Variants in DNAH2 observed in about 807,000 individuals in gnomAD.
DNAH2 encodes the protein axonemal beta dynein heavy chain 2.
A neutral mutation model predicts 523.5 loss-of-function variants in DNAH2; 323 were observed. The observed-to-expected ratio is 0.62, with a 90% CI of 0.56 to 0.68. The LOEUF is 0.68. DNAH2 is among the 30% of genes least tolerant of loss of function. The pLI is 0.00. For synonymous variants in DNAH2, 2,093 were observed against 2,177.4 expected, an observed-to-expected ratio of 0.96 and a Z score of 1.08; for missense variants, 4,907 against 5,701.5, an observed-to-expected ratio of 0.86 and a Z score of 4.49.
At chr17:7,726,814 G>A (rs1448277746) in intron 3 of DNAH2, among the ~76,000 whole-genome samples, 2 of 151,964 alleles carry the variant, frequency 1.3e-5, no homozygotes, top group East Asian at 3.9e-4. Context: ...CTTTACCTTT[G>A]AGATCGAGGG....
chr17:7,791,544 C>T (rs948619795), intron 44 of DNAH2, among the ~76,000 whole-genome samples: 2 of 152,160 alleles, frequency 1.3e-5, no homozygotes, highest in Non-Finnish European at 2.9e-5. Flanking sequence ...CACTGCTCTA[C>T]TGGTGAACAT....
rs778869358 is a variant in DNAH2 at position 7,775,285 on chromosome 17, G to A, written c.4764G>A (p.Ser1588=). ...SSKWEAVGMF[S]GDGEYIDFLH... is the part of the protein sequence containing the mutation. ...AATGGGAAGCTGTGGGGATGTTCTC[G>A]GGCGACGGCGAGTACATTGACTTCC... Residue 1588 remains serine (S), a synonymous_variant, in exon 30 of 86, where the codon TCG becomes TCA. Transcript: ENST00000572933. 1.4e-5 allele frequency: 22 copies of A among 1,613,472 alleles called. No homozygotes were observed. Among genetic ancestry groups the A allele is most frequent in the South Asian group, 4.4e-5 (4 of 90,900 alleles).
chr17:7,772,282 C>A (rs192949678), intron 28 of DNAH2, among the ~76,000 whole-genome samples: 1 of 152,174 alleles, frequency 6.6e-6, no homozygotes, highest in African/African-American at 2.4e-5. Context: ...TCCCAAGAGC[C>A]TTCAGTATAC....
chr17:7,821,220 T>A lies in DNAH2; in HGVS notation c.11016-23T>A, dbSNP rs762746625. ...GCCCCCATTCCATGCTGCCCCTCCC[T>A]CTTCCCTGTCCCTTTCTCCCAGGTA... On this transcript the variant is annotated intron_variant, in intron 72 of 85. Transcript: ENST00000572933. The surrounding 1 kb of genome is among the most constrained non-coding windows in gnomAD (Gnocchi z 5.0). The A allele has an allele frequency of 6.2e-7, 1 of 1,608,002 alleles. No individual in the cohort carries two copies. Among genetic ancestry groups the A allele is most frequent in the Non-Finnish European group, 8.5e-7 (1 of 1,175,848 alleles).
rs1319315824 is a variant in DNAH2 at position 7,759,771 on chromosome 17, C to G, written c.2638-20C>G. On this transcript the variant is annotated intron_variant, in intron 16 of 85. Transcript: ENST00000572933. ...CCAGTCCTAAGGCTTTTCTCTCCAT[C>G]TCCACTGGGTTCCTCACAGGTGGAA... 1 of 1,613,972 alleles carries G rather than the reference C, an allele frequency of 6.2e-7. No individual in the cohort carries two copies. The highest frequency in any genetic ancestry group is 8.5e-7 in the Non-Finnish European group (1 of 1,179,854).
chr17:7,789,445 G>C (rs552307644), intron 44 of DNAH2, among the ~76,000 whole-genome samples: 1 of 152,330 alleles, frequency 6.6e-6, no homozygotes, highest in South Asian at 2.1e-4. Flanking sequence ...CCTGAGGAGA[G>C]GGCTGGACCA....
intron 63 of DNAH2, among the ~76,000 whole-genome samples, chr17:7,808,369 GAA>G (rs1210962027): frequency 2.5e-4 from 26 of 103,246 alleles, no homozygotes; most frequent in African/African-American, 8.4e-4. Context: ...GACTGTCTCA[GAA>G]AAAAAAAAAA....
At chr17:7,762,753 T>C (rs2076041816) in intron 18 of DNAH2, among the ~76,000 whole-genome samples, 1 of 151,792 alleles carries the variant, frequency 6.6e-6, no homozygotes, top group Admixed American at 6.6e-5. Context: ...CCCCACAGAG[T>C]GAGATCTGCA....
chr17:7,768,405 T>G (rs1158627455), intron 24 of DNAH2, 138 bp downstream of exon 24: 2 of 822,930 alleles, frequency 2.4e-6, no homozygotes, highest in African/African-American at 1.7e-5. Context: ...CTTTTTCTCT[T>G]TCCTCTTTTT....
chr17:7,779,374 T>A lies in DNAH2; in HGVS notation c.5673T>A (p.Phe1891Leu), dbSNP rs1458203266. 1.2e-6 allele frequency: 2 copies of A among 1,613,976 alleles called. No homozygotes were observed. The highest frequency in any genetic ancestry group is 1.7e-6 in the Non-Finnish European group (2 of 1,180,006). Residue 1891 changes from phenylalanine (F) to leucine (L), a missense_variant, in exon 36 of 86, where the codon TTT becomes TTA. Transcript: ENST00000572933. ...AGLTHFHFDGFEINLVWSCGI... is the reference protein window; with the variant it reads ...AGLTHFHFDGLEINLVWSCGI... ...TCACCCATTTCCATTTTGATGGCTT[T>A]GAAATAAATCTGGTGTGGTCCTGTG...
rs1567686876 is a variant in DNAH2, at chr17:7,780,580, A to T, written c.5851-50A>T. On this transcript the variant is annotated intron_variant, in intron 37 of 85. Coordinates refer to ENST00000572933, the MANE Select transcript of DNAH2 (RefSeq NM_020877.5). This position sits in a 1 kb window ranked among gnomAD's most constrained non-coding sequence, Gnocchi z 4.4. ...CTCTGACTGTCCTGAGATGAAGCAG[A>T]GGGATTTGTGGGGAGATGGACTGTT... 1.9e-6 allele frequency: 3 copies of T among 1,605,418 alleles called. No individual in the cohort carries two copies. The highest frequency in any genetic ancestry group is 2.6e-6 in the Non-Finnish European group (3 of 1,175,250).
In DNAH2 at chr17:7,758,879, C is replaced by T. The variant is rs201311921; in HGVS notation, c.2209-6C>T. The T allele has an allele frequency of 2.5e-6, 4 of 1,613,604 alleles. No individual in the cohort carries two copies. Among genetic ancestry groups the T allele is most frequent in the African/African-American group, 1.3e-5 (1 of 75,044 alleles). On this transcript the variant is annotated splice_polypyrimidine_tract_variant and splice_region_variant and intron_variant, in intron 14 of 85. Coordinates refer to ENST00000572933, the MANE Select transcript of DNAH2 (RefSeq NM_020877.5). ...GAAACTCCCCCATGACGGGGCCTGA[C>T]TCTAGGTGCAGATGATTGTGAATGA...
chr17:7,777,697 T>C, intron 33 of DNAH2, 63 bp downstream of exon 33: 1 of 1,585,630 alleles, frequency 6.3e-7, no homozygotes. Flanking sequence ...TTTTATTGCA[T>C]CCATGTTCTG....
chr17:7,788,292 C>T (rs2076801794), intron 44 of DNAH2, 48 bp downstream of exon 44: 1 of 1,509,404 alleles, frequency 6.6e-7, no homozygotes, highest in South Asian at 1.3e-5. Flanking sequence ...GTGCTCACAG[C>T]CTCACCAGAA....
At chr17:7,733,855 A>G (rs2075063852) in intron 5 of DNAH2, among the ~76,000 whole-genome samples, 1 of 152,086 alleles carries the variant, frequency 6.6e-6, no homozygotes, top group Admixed American at 6.6e-5. Context: ...AGACTTGGAA[A>G]TTTCTAAAAG....
rs2151204832 is a variant in DNAH2 at position 7,764,172 on chromosome 17, G to A, written c.3235G>A (p.Asp1079Asn). 6.2e-7 allele frequency: 1 copy of A among 1,614,188 alleles called. No homozygotes were observed. Among genetic ancestry groups the A allele is most frequent in the Non-Finnish European group, 8.5e-7 (1 of 1,180,036 alleles). Reference sequence around the variant, plus strand: ...ACTGGGGGTCAGCTTGCAGCTCGTGGATGCCCTGAAGCACGACTTGGCCAA... The same window carrying A: ...ACTGGGGGTCAGCTTGCAGCTCGTGAATGCCCTGAAGCACGACTTGGCCAA... Reference protein sequence around the residue: ...EELGVSLQLVDALKHDLANVE... With the variant: ...EELGVSLQLVNALKHDLANVE... Residue 1079 changes from aspartate (D) to asparagine (N), a missense_variant, in exon 20 of 86, where the codon GAT (aspartate) becomes AAT (asparagine). Physicochemically the swap from Asp to Asn is conservative, Grantham distance 23 (BLOSUM62 1). Around this residue, in one of 3 missense-constraint regions of DNAH2, gnomAD observed 2,806 missense variants for 3,190.8 expected, o/e 0.88. Coordinates refer to ENST00000572933, the MANE Select transcript of DNAH2 (RefSeq NM_020877.5).
chr17:7,817,898 G>A (rs777922364), intron 67 of DNAH2, 42 bp downstream of exon 67: 9 of 1,613,796 alleles, frequency 5.6e-6, no homozygotes, highest in African/African-American at 1.3e-5. Context: ...CCTTCCTGAG[G>A]CCCCACCTCT....
chr17:7,777,462 A>C lies in DNAH2; in HGVS notation c.5075A>C (p.Lys1692Thr), dbSNP rs2076486798. Residue 1692 changes from lysine to threonine, a missense_variant, in exon 33 of 86, where the codon AAG becomes ACG. Physicochemically the swap from Lys to Thr is moderately conservative, Grantham distance 78. This residue lies in a region of DNAH2 where 2,806 missense variants were observed against 3,190.8 expected (regional missense o/e 0.88). Transcript: ENST00000572933. ...ATGCCACAGGTGTCAATCCTGAATA[A>C]GTATTCAGAAGCCATCAGGGGGAAC... ...MKKNQVSILN[K>T]YSEAIRGNLT... is the part of the protein sequence containing the mutation. The C allele has an allele frequency of 6.2e-7, 1 of 1,614,032 alleles. No homozygotes were observed. The highest frequency in any genetic ancestry group is 8.5e-7 in the Non-Finnish European group (1 of 1,180,022).
rs1171834223 is a variant in DNAH2, at chr17:7,807,992, A to G, written c.9729+406A>G. On this transcript the variant is annotated intron_variant, in intron 63 of 85. Transcript: ENST00000572933. This position sits in a 1 kb window ranked among gnomAD's most constrained non-coding sequence, Gnocchi z 5.6. ...GAACAACGTGAGGGTGTCTGTGCAT[A>G]TGTTGTGTGGGGACGGGCTCTCCCA... 6.6e-6 allele frequency among the ~76,000 whole-genome samples: 1 copy of G among 152,064 alleles called. No homozygotes were observed. Among genetic ancestry groups the G allele is most frequent in the African/African-American group, 2.4e-5 (1 of 41,402 alleles).
Sources: allele counts gnomAD v4.1 joint callset (sites outside exome capture counted in the v4.1 genomes callset), GRCh38; gene constraint gnomAD v4.1.1; regional missense constraint gnomAD v4.1.1; non-coding constraint Gnocchi (gnomAD v3.1); transcripts MANE v1.5; gene names NCBI Gene and HGNC (gene_info 2026-07-23, HGNC 2026-07-21).